DYNC1I2: variants seen among roughly 807,000 people sequenced by gnomAD.
DYNC1I2 encodes dynein cytoplasmic 1 intermediate chain 2.
A neutral mutation model predicts 88.6 loss-of-function variants in DYNC1I2; 53 were observed. That is an observed-to-expected ratio of 0.60 (90% CI 0.48 to 0.75). DYNC1I2 has a LOEUF of 0.75. Ranked by LOEUF, DYNC1I2 falls within the 30% of genes least tolerant of loss-of-function variation. The probability of loss-of-function intolerance (pLI) is 0.00; values close to 1 mark genes in which losing one functional copy is unlikely to be tolerated. For missense variants in DYNC1I2, 458 were observed against 766.6 expected (o/e 0.60, Z 4.75); for synonymous variants, 198 against 254.6 (o/e 0.78, Z 2.12).
intron 15 of DYNC1I2, among the ~76,000 whole-genome samples, chr2:171,732,931 T>G (rs969610523): frequency 4.6e-5 from 7 of 152,172 alleles, no homozygotes; most frequent in African/African-American, 1.7e-4. Context: ...CAGATTATTG[T>G]ATCACCCAGG....
chr2:171,733,459 CTTTTTTTTTTTTTTTTTTT>C (rs61079902), intron 15 of DYNC1I2, among the ~76,000 whole-genome samples: 1 of 55,772 alleles, frequency 1.8e-5, no homozygotes, highest in Non-Finnish European at 3.2e-5. Flanking sequence ...TTGCCAGCAT[CTTTTTTTTTTTTTTTTTTT>C]TTTTTTTTTT....
chr2:171,689,858 C>A (rs1360315536), intron 1 of DYNC1I2, among the ~76,000 whole-genome samples: 1 of 149,408 alleles, frequency 6.7e-6, no homozygotes, highest in East Asian at 2.0e-4. Context: ...GCCACCATGC[C>A]GCCTAATTTT....
intron 6 of DYNC1I2, 65 bp downstream of exon 6, chr2:171,712,891 A>T (rs1687220329): frequency 4.3e-6 from 6 of 1,403,160 alleles, no homozygotes; most frequent in Non-Finnish European, 6.1e-6. Context: ...AAACTGTCCT[A>T]ATTTTATTTT....
intron 5 of DYNC1I2, among the ~76,000 whole-genome samples, chr2:171,710,707 T>C (rs1687055766): frequency 6.6e-6 from 1 of 151,428 alleles, no homozygotes; most frequent in African/African-American, 2.4e-5. Context: ...TCCTTTTTTT[T>C]TTTTTTCTTT....
At chr2:171,708,705 AT>A (rs983376810) in intron 5 of DYNC1I2, among the ~76,000 whole-genome samples, 1 of 149,756 alleles carries the variant, frequency 6.7e-6, no homozygotes. Flanking sequence ...TTTATTTTTT[AT>A]TTTTTTTGCA....
chr2:171,690,268 G>C lies in DYNC1I2; in HGVS notation c.108+5G>C. 1 of 1,534,930 alleles carries C rather than the reference G, an allele frequency of 6.5e-7. No individual in the cohort carries two copies. Reference sequence around the variant, plus strand: ...GAAGAAAGGAAAAAAAAAGAAGTATGTTTGATTTTTTTGCTTAAATAAACA... The same window carrying C: ...GAAGAAAGGAAAAAAAAAGAAGTATCTTTGATTTTTTTGCTTAAATAAACA... On this transcript the variant is annotated splice_donor_5th_base_variant and intron_variant, in intron 2 of 17. Coordinates refer to ENST00000397119, the MANE Select transcript of DYNC1I2 (RefSeq NM_001378.3).
intron 3 of DYNC1I2, among the ~76,000 whole-genome samples, chr2:171,696,783 ATTTG>A (rs1559364498): frequency 6.6e-6 from 1 of 151,876 alleles, no homozygotes; most frequent in East Asian, 1.9e-4. Flanking sequence ...CTATGAATCT[ATTTG>A]TTTGGTTCTA....
chr2:171,720,720 G>A (rs1687843111), intron 7 of DYNC1I2, among the ~76,000 whole-genome samples: 1 of 152,172 alleles, frequency 6.6e-6, no homozygotes, highest in South Asian at 2.1e-4. Context: ...GACAGAGTGA[G>A]ACTATGTCTC....
At chr2:171,710,669 G>A (rs1035088559) in intron 5 of DYNC1I2, among the ~76,000 whole-genome samples, 1 of 151,596 alleles carries the variant, frequency 6.6e-6, no homozygotes, top group African/African-American at 2.4e-5. Context: ...TTATTCAGTG[G>A]GGTAATCCAG....
At chr2:171,716,070 C>T (rs548710543) in intron 7 of DYNC1I2, among the ~76,000 whole-genome samples, 3 of 151,920 alleles carry the variant, frequency 2.0e-5, no homozygotes, top group East Asian at 1.9e-4. Flanking sequence ...TAAAGTACTA[C>T]GATCTCATTT....
chr2:171,706,309 T>G (rs1452650756), intron 3 of DYNC1I2, among the ~76,000 whole-genome samples: 1 of 152,134 alleles, frequency 6.6e-6, no homozygotes, highest in Admixed American at 6.5e-5. Flanking sequence ...TATGATAAAA[T>G]TTAACCAGAA....
intron 17 of DYNC1I2, among the ~76,000 whole-genome samples, chr2:171,746,187 GC>G (rs1559412806): frequency 6.6e-6 from 1 of 152,170 alleles, no homozygotes; most frequent in African/African-American, 2.4e-5. Flanking sequence ...AGCATGCATT[GC>G]TGGAAATTAG....
chr2:171,706,793 G>T, intron 4 of DYNC1I2: 1 of 445,484 alleles, frequency 2.2e-6, no homozygotes, highest in Non-Finnish European at 3.9e-6. Flanking sequence ...ATTACTTTTT[G>T]AAAGAAAAAA....
At chr2:171,709,181 G>A (rs1482965316) in intron 5 of DYNC1I2, among the ~76,000 whole-genome samples, 2 of 151,774 alleles carry the variant, frequency 1.3e-5, no homozygotes, top group East Asian at 1.9e-4. Flanking sequence ...ATGACTCATC[G>A]TTCCTGATTT....
chr2:171,707,212 T>C, intron 4 of DYNC1I2, 75 bp from the exon 5 acceptor site: 1 of 1,604,518 alleles, frequency 6.2e-7, no homozygotes, highest in Non-Finnish European at 8.5e-7. Flanking sequence ...CTTCATTAAA[T>C]TATTTTTGAA....
At chr2:171,687,994 G>A (rs1007438228) in intron 1 of DYNC1I2, 1 of 152,418 alleles carries the variant, frequency 6.6e-6, no homozygotes, top group African/African-American at 2.4e-5. Flanking sequence ...GGAAAGGCGG[G>A]GAGACCTGGG....
At chr2:171,726,344 T>G in intron 10 of DYNC1I2, 51 bp downstream of exon 10, 3 of 1,224,180 alleles carry the variant, frequency 2.5e-6, no homozygotes, top group Non-Finnish European at 3.4e-6. Context: ...AAATTATAAT[T>G]AGCAGGTCAT....
chr2:171,703,487 C>G (rs780709138), intron 3 of DYNC1I2, among the ~76,000 whole-genome samples: 1 of 152,136 alleles, frequency 6.6e-6, no homozygotes, highest in African/African-American at 2.4e-5. Flanking sequence ...CTCAGTCCCC[C>G]AAAGTGCTGA....
intron 8 of DYNC1I2, 58 bp downstream of exon 8, chr2:171,725,771 A>ATTTC: frequency 1.6e-6 from 2 of 1,275,132 alleles, no homozygotes; most frequent in Non-Finnish European, 2.2e-6. Context: ...GATTCCTTTT[A>ATTTC]TTATGTATTA....
Sources: gnomAD v4.1 joint callset for allele counts (sites outside exome capture counted in the v4.1 genomes callset) on GRCh38, gnomAD v4.1.1 for gene constraint, MANE v1.5 for transcripts, NCBI Gene and HGNC (gene_info 2026-07-23, HGNC 2026-07-21) for gene names.